The following OXR1 variants were observed in gnomAD, a reference collection of about 807,000 sequenced individuals.
OXR1 encodes oxidation resistance 1, also known as oxidation resistance protein 1.
In OXR1, 41 loss-of-function variants were observed where a neutral mutation model predicts 104.6. That is an observed-to-expected ratio of 0.39 (90% CI 0.31 to 0.51). The LOEUF (loss-of-function observed/expected upper bound fraction) is 0.51. Among genes scored for constraint, OXR1 ranks in the 20% least tolerant of loss-of-function variants. The probability of loss-of-function intolerance (pLI) is 0.77; values close to 1 mark genes in which losing one functional copy is unlikely to be tolerated. For synonymous variants in OXR1, 348 were observed against 348.4 expected (o/e 1.00, Z 0.01); for missense variants, 955 against 1,031.9 (o/e 0.93, Z 1.02).
At chr8:106,409,338 G>GC (rs1818369325) in intron 2 of OXR1, among the ~76,000 whole-genome samples, 1 of 152,210 alleles carries the variant, frequency 6.6e-6, no homozygotes, top group East Asian at 1.9e-4. Flanking sequence ...TGTGGCTGGT[G>GC]CCCATAATCT....
intron 11 of OXR1, among the ~76,000 whole-genome samples, chr8:106,720,060 C>T (rs1832694216): frequency 6.6e-6 from 1 of 152,180 alleles, no homozygotes; most frequent in Non-Finnish European, 1.5e-5. Context: ...CCTGCCTTGG[C>T]CTCCCAAAGT....
At chr8:106,570,215 C>T (rs1194098386) in intron 3 of OXR1, among the ~76,000 whole-genome samples, 2 of 152,176 alleles carry the variant, frequency 1.3e-5, no homozygotes, top group Admixed American at 1.3e-4. Context: ...GTGTCTACAT[C>T]TCCATACTTG....
At chr8:106,628,872 C>G (rs1822410193) in intron 3 of OXR1, among the ~76,000 whole-genome samples, 1 of 152,136 alleles carries the variant, frequency 6.6e-6, no homozygotes, top group African/African-American at 2.4e-5. Context: ...TGTTGAACAA[C>G]TGAAGGAATA....
intron 1 of OXR1, among the ~76,000 whole-genome samples, chr8:106,350,224 A>T (rs949655098): frequency 2.6e-5 from 4 of 152,230 alleles, no homozygotes; most frequent in African/African-American, 9.6e-5. Flanking sequence ...AGTTGTCTTT[A>T]TAGTTCATAT....
At chr8:106,720,574 T>C in intron 11 of OXR1, 1 of 209,620 alleles carries the variant, frequency 4.8e-6, no homozygotes, top group East Asian at 1.8e-4. Context: ...GAAAAAGGTT[T>C]GTTTAATCAT....
At chr8:106,726,043 C>T (rs1833305822) in intron 11 of OXR1, 4 of 672,564 alleles carry the variant, frequency 5.9e-6, no homozygotes, top group Non-Finnish European at 8.9e-6. Context: ...AGCTTTACAG[C>T]CTCCACTCAG....
intron 2 of OXR1, 50 bp downstream of exon 2, chr8:106,359,686 G>C: frequency 2.1e-6 from 3 of 1,396,166 alleles, no homozygotes; most frequent in Non-Finnish European, 3.0e-6. Context: ...TATATCATGA[G>C]CAGTATTTTC....
intron 3 of OXR1, among the ~76,000 whole-genome samples, chr8:106,667,063 A>T (rs183452193): frequency 6.6e-6 from 1 of 152,354 alleles, no homozygotes; most frequent in African/African-American, 2.4e-5. Context: ...CAAGGCAGAT[A>T]TAAAACATTT....
At chr8:106,610,691 C>G (rs1380889543) in intron 3 of OXR1, among the ~76,000 whole-genome samples, 1 of 152,216 alleles carries the variant, frequency 6.6e-6, no homozygotes. Flanking sequence ...TCCCAACTAC[C>G]TGTTCAATAC....
intron 2 of OXR1, among the ~76,000 whole-genome samples, chr8:106,508,931 T>C (rs915734079): frequency 6.6e-6 from 1 of 152,206 alleles, no homozygotes; most frequent in African/African-American, 2.4e-5. Context: ...ATGTTGTGCA[T>C]AAGCAAAACT....
intron 2 of OXR1, among the ~76,000 whole-genome samples, chr8:106,513,120 C>G (rs1332075157): frequency 2.0e-5 from 3 of 152,098 alleles, no homozygotes; most frequent in African/African-American, 4.8e-5. Flanking sequence ...GTAAAATTAG[C>G]TAATTACTGT....
intron 3 of OXR1, among the ~76,000 whole-genome samples, chr8:106,520,172 G>A (rs1031661533): frequency 6.6e-6 from 1 of 152,092 alleles, no homozygotes; most frequent in African/African-American, 2.4e-5. Context: ...CACCACTCCA[G>A]TATGAGACTG....
intron 1 of OXR1, among the ~76,000 whole-genome samples, chr8:106,346,039 T>G (rs992159733): frequency 6.6e-6 from 1 of 152,164 alleles, no homozygotes; most frequent in Non-Finnish European, 1.5e-5. Flanking sequence ...ATGGAATCAT[T>G]GGAATGAAGA....
chr8:106,670,477 C>T (rs1055263498), intron 3 of OXR1, among the ~76,000 whole-genome samples: 9 of 152,072 alleles, frequency 5.9e-5, no homozygotes, highest in African/African-American at 7.2e-5. Context: ...AACAGGCCCA[C>T]GGTAACTCTA....
intron 2 of OXR1, among the ~76,000 whole-genome samples, chr8:106,478,461 A>G (rs2129718774): frequency 6.6e-6 from 1 of 151,964 alleles, no homozygotes; most frequent in South Asian, 2.1e-4. Context: ...GTAGAATAAA[A>G]GGGCAATAAA....
At chr8:106,465,436 C>G (rs12548876) in intron 2 of OXR1, among the ~76,000 whole-genome samples, 35,930 of 151,766 alleles carry the variant, frequency 0.24, 5,772 homozygotes, top group African/African-American at 0.44. Context: ...TATGGGAAGC[C>G]ACTAGAGGTA....
At chr8:106,654,760 AC>A (rs2131037894) in intron 3 of OXR1, among the ~76,000 whole-genome samples, 1 of 152,302 alleles carries the variant, frequency 6.6e-6, no homozygotes, top group Non-Finnish European at 1.5e-5. Context: ...TCAAAATTAA[AC>A]CTTTTTGTAC....
At chr8:106,585,388 A>G (rs1193141587) in intron 3 of OXR1, among the ~76,000 whole-genome samples, 1 of 152,102 alleles carries the variant, frequency 6.6e-6, no homozygotes, top group Non-Finnish European at 1.5e-5. Flanking sequence ...CTGTTATCTC[A>G]GGCAACTTTA....
At chr8:106,333,236 A>G (rs1814798096) in intron 1 of OXR1, among the ~76,000 whole-genome samples, 1 of 152,120 alleles carries the variant, frequency 6.6e-6, no homozygotes, top group Non-Finnish European at 1.5e-5. Context: ...CACAGCAGCT[A>G]TGAACCATTT....
Sources: gnomAD v4.1 joint callset for allele counts (sites outside exome capture counted in the v4.1 genomes callset) on GRCh38, gnomAD v4.1.1 for gene constraint, MANE v1.5 for transcripts, NCBI Gene and HGNC (gene_info 2026-07-23, HGNC 2026-07-21) for gene names.